The following TRIM2 variants were observed in gnomAD, a reference collection of about 807,000 sequenced individuals.
The protein encoded by TRIM2 is tripartite motif-containing protein 2.
Under a neutral mutation model 75.2 loss-of-function variants are expected in TRIM2, and 20 were observed. The observed-to-expected ratio is 0.27, with a 90% CI of 0.19 to 0.39. TRIM2 has a LOEUF of 0.39. Among genes scored for constraint, TRIM2 ranks in the 10% least tolerant of loss-of-function variants. TRIM2 has a pLI of 1.00. For missense variants in TRIM2, 660 were observed against 990.8 expected, an observed-to-expected ratio of 0.67 and a Z score of 4.48; for synonymous variants, 373 against 388.3, an observed-to-expected ratio of 0.96 and a Z score of 0.46.
chr4:153,231,642 T>G (rs1444839552), intron 1 of TRIM2, among the ~76,000 whole-genome samples: 1 of 152,164 alleles, frequency 6.6e-6, no homozygotes, highest in Non-Finnish European at 1.5e-5. Flanking sequence ...AATACAGACT[T>G]GATGCTTAGG....
chr4:153,207,923 C>T (rs559495203), intron 1 of TRIM2, among the ~76,000 whole-genome samples: 1 of 152,316 alleles, frequency 6.6e-6, no homozygotes, highest in African/African-American at 2.4e-5. Flanking sequence ...TGAAATCACC[C>T]TTGAGCTCCT....
chr4:153,169,085 A>G (rs1262774572), intron 1 of TRIM2, among the ~76,000 whole-genome samples: 1 of 152,204 alleles, frequency 6.6e-6, no homozygotes, highest in East Asian at 1.9e-4. Context: ...CTCAAAAAAA[A>G]AAGTCTTTAA....
intron 1 of TRIM2, among the ~76,000 whole-genome samples, chr4:153,213,103 T>G (rs763339005): frequency 6.6e-6 from 1 of 152,212 alleles, no homozygotes; most frequent in Non-Finnish European, 1.5e-5. Flanking sequence ...TGCCAGGAAC[T>G]GTTCTAAGTG....
At chr4:153,244,418 T>C (rs1386648274) in intron 1 of TRIM2, among the ~76,000 whole-genome samples, 7 of 84,298 alleles carry the variant, frequency 8.3e-5, no homozygotes, top group Non-Finnish European at 1.2e-4. Flanking sequence ...CTTCTTCTTC[T>C]TCTTCTTCTT....
chr4:153,161,912 A>C (rs1323598306), intron 1 of TRIM2, among the ~76,000 whole-genome samples: 3 of 152,202 alleles, frequency 2.0e-5, no homozygotes, highest in Non-Finnish European at 4.4e-5. Context: ...CATCCACTAG[A>C]AAAAAATGAG....
intron 1 of TRIM2, among the ~76,000 whole-genome samples, chr4:153,255,199 T>C (rs1482890672): frequency 1.3e-5 from 2 of 152,178 alleles, no homozygotes; most frequent in Non-Finnish European, 2.9e-5. Flanking sequence ...CTCTGTATCC[T>C]CATTGCCTAC....
intron 1 of TRIM2, among the ~76,000 whole-genome samples, chr4:153,268,218 AGAGCAAT>A (rs1755771453): frequency 1.3e-5 from 2 of 152,254 alleles, no homozygotes; most frequent in Non-Finnish European, 2.9e-5. Context: ...GTTATCGCGA[AGAGCAAT>A]TTAGGGAGGT....
At chr4:153,183,033 TGAATGAAA>T (rs1732232028) in intron 1 of TRIM2, among the ~76,000 whole-genome samples, 1 of 152,168 alleles carries the variant, frequency 6.6e-6, no homozygotes, top group South Asian at 2.1e-4. Context: ...AAAGATTTGA[TGAATGAAA>T]GAATGAATAA....
Position 153,339,044 on chromosome 4 carries a change from C to A in TRIM2, c.*4078C>A. On this transcript the variant is annotated 3_prime_UTR_variant, in exon 12 of 12. Transcript: ENST00000338700. ...ATGTTTTATGTATAGAACACTAAGT[C>A]TTGCACTCTCTGACATTGATACTGA... is the stretch of plus-strand genomic sequence containing the variant. The A allele has an allele frequency of 1.0e-6, 1 of 984,732 alleles. No individual in the cohort carries two copies. The highest frequency in any genetic ancestry group is 1.2e-6 in the Non-Finnish European group (1 of 829,788). 61.0% of individuals were successfully genotyped at this position (984,732 alleles called of 1,614,324 possible).
Position 153,273,442 on chromosome 4 carries a change from A to ATTT in TRIM2, c.216-2429_216-2427dup, listed in dbSNP as rs11459214. On this transcript the variant is annotated intron_variant, in intron 2 of 11. Coordinates refer to ENST00000338700, the MANE Select transcript of TRIM2 (RefSeq NM_015271.5). ...AGGCGCCCGCCACCACGCCCGGCTA[A>ATTT]TTTTTTTTTTTTTTTTTTTTTTTTG... 2.1e-3 allele frequency among the ~76,000 whole-genome samples: 161 copies of ATTT among 77,644 alleles called. 4 individuals carry two copies. Among genetic ancestry groups the ATTT allele is most frequent in the African/African-American group, 7.9e-3 (103 of 12,966 alleles). 50.9% of individuals were successfully genotyped at this position (77,644 alleles called of 152,430 possible). A position where few individuals can be genotyped will look rare whatever the true frequency, so the allele number is the denominator to read the frequency against.
At chr4:153,281,660 T>C (rs1327876628) in intron 3 of TRIM2, among the ~76,000 whole-genome samples, 2 of 152,276 alleles carry the variant, frequency 1.3e-5, no homozygotes, top group East Asian at 3.8e-4. Context: ...CACTGTCTGA[T>C]GCTGATTGGC....
Position 153,177,105 on chromosome 4 carries a change from G to A in TRIM2, c.-49+23835G>A, listed in dbSNP as rs191684089. ...GGAGAATCCCCAGCAACTGGCTTCC[G>A]CCTCAGGAGCTAGCATGGCTAAGTA... is the stretch of plus-strand genomic sequence containing the variant. On this transcript the variant is annotated intron_variant, in intron 1 of 11. Coordinates refer to the TRIM2 transcript ENST00000437508. Among the ~76,000 whole-genome samples, 938 of 152,278 alleles carry A rather than the reference G, an allele frequency of 6.2e-3. 6 individuals are homozygous for A. Among genetic ancestry groups the A allele is most frequent in the Non-Finnish European group, 8.0e-3 (543 of 68,022 alleles).
At chr4:153,271,620 A>G (rs1756687604) in intron 2 of TRIM2, among the ~76,000 whole-genome samples, 1 of 151,824 alleles carries the variant, frequency 6.6e-6, no homozygotes, top group Non-Finnish European at 1.5e-5. Flanking sequence ...GGTTTGTTTT[A>G]GTGGTGGTAT....
chr4:153,284,158 C>A (rs1345781965), intron 3 of TRIM2, among the ~76,000 whole-genome samples: 4 of 151,566 alleles, frequency 2.6e-5, no homozygotes, highest in African/African-American at 9.7e-5. Flanking sequence ...GGATTACAGG[C>A]ATAAGCCATT....
At chr4:153,296,329 A>G (rs1257664125) in intron 6 of TRIM2, among the ~76,000 whole-genome samples, 2 of 152,196 alleles carry the variant, frequency 1.3e-5, no homozygotes, top group African/African-American at 4.8e-5. Context: ...CAAGCTGAAA[A>G]TAAGCAAAAA....
At chr4:153,175,856 A>G (rs1434686960) in intron 1 of TRIM2, among the ~76,000 whole-genome samples, 1 of 151,782 alleles carries the variant, frequency 6.6e-6, no homozygotes, top group East Asian at 1.9e-4. Context: ...TTATGTGGGA[A>G]CTCTTAGGAA....
intron 1 of TRIM2, among the ~76,000 whole-genome samples, chr4:153,158,867 A>G (rs1252995576): frequency 2.0e-5 from 3 of 152,244 alleles, no homozygotes; most frequent in Non-Finnish European, 4.4e-5. Context: ...GCAGTGGCTC[A>G]AAAGGCTGCA....
chr4:153,258,075 T>A (rs1358178164), intron 1 of TRIM2, among the ~76,000 whole-genome samples: 1 of 152,180 alleles, frequency 6.6e-6, no homozygotes, highest in Non-Finnish European at 1.5e-5. Context: ...ATCTCTCTGT[T>A]GGGTGCAAAC....
intron 1 of TRIM2, among the ~76,000 whole-genome samples, chr4:153,165,387 G>A (rs1730195879): frequency 6.6e-6 from 1 of 152,020 alleles, no homozygotes; most frequent in South Asian, 2.1e-4. Context: ...CTGGAGTGTA[G>A]TGGCATGATC....
Sources: gnomAD v4.1 joint callset for allele counts (sites outside exome capture counted in the v4.1 genomes callset) on GRCh38, gnomAD v4.1.1 for gene constraint, MANE v1.5 for transcripts, NCBI Gene and HGNC (gene_info 2026-07-23, HGNC 2026-07-21) for gene names.